PRKAA1: variants seen among roughly 807,000 people sequenced by gnomAD.
PRKAA1 encodes the protein 5'-AMP-activated protein kinase catalytic subunit alpha-1.
In PRKAA1, 23 loss-of-function variants were observed where a neutral mutation model predicts 56.9. That is an observed-to-expected ratio of 0.40 (90% CI 0.29 to 0.57). The LOEUF is 0.57. Among genes scored for constraint, PRKAA1 ranks in the 20% least tolerant of loss-of-function variants. The probability of loss-of-function intolerance (pLI) is 0.39; values close to 1 mark genes in which losing one functional copy is unlikely to be tolerated. For missense variants in PRKAA1, 413 were observed against 679.7 expected (o/e 0.61, Z 4.36); for synonymous variants, 226 against 227.0 (o/e 1.00, Z 0.04).
In PRKAA1 at chr5:40,768,581, TACTC is replaced by T. The variant is rs537018142; in HGVS notation, c.596+831_596+834del. The T allele has an allele frequency of 1.5e-4, 152 of 1,031,112 alleles. No individual in the cohort carries two copies. The African/African-American group carries it at 1.9e-3, about 13-fold the overall frequency. 63.9% of individuals were successfully genotyped at this position (1,031,112 alleles called of 1,614,324 possible). On this transcript the variant is annotated intron_variant, in intron 5 of 8. Coordinates refer to ENST00000397128, the MANE Select transcript of PRKAA1 (RefSeq NM_006251.6). ...AATCTAAAATTAGGTACTCCTGCCT[TACTC>T]ACAGCCATATTTTTACACAAATCTC...
At chr5:40,783,133 T>C (rs917728839) in intron 1 of PRKAA1, among the ~76,000 whole-genome samples, 4 of 152,274 alleles carry the variant, frequency 2.6e-5, no homozygotes, top group African/African-American at 9.6e-5. Context: ...TCTTTTCTTT[T>C]TTAATCTGTA....
At chr5:40,764,729 T>A in intron 7 of PRKAA1, 23 bp downstream of exon 7, 1 of 1,604,696 alleles carries the variant, frequency 6.2e-7, no homozygotes, top group South Asian at 1.1e-5. Context: ...ATGCTAATAA[T>A]CAAAATGTTA....
At chr5:40,797,981 C>A in intron 1 of PRKAA1, 82 bp downstream of exon 1, 5 of 1,556,606 alleles carry the variant, frequency 3.2e-6, no homozygotes, top group Non-Finnish European at 4.4e-6. Flanking sequence ...ACGCAGCGGG[C>A]GGGGGAGGAT....
Position 40,764,899 on chromosome 5 carries a change from A to T in PRKAA1, c.1161T>A (p.His387Gln), listed in dbSNP as rs558686996. The change falls in exon 7 of 9, where the codon CAT becomes CAA. Residue 387 changes from histidine to glutamine, a missense_variant. His to Gln is a conservative substitution (Grantham distance 24). This residue lies in a region of PRKAA1 where 50 missense variants were observed against 87.7 expected (regional missense o/e 0.57). Transcript: ENST00000397128. ...FLVAETPRAR[H>Q]TLDELNPQKS... ...TCTGTGGATTTAATTCATCAAGGGT[A>T]TGGCGTGCCCTTGGTGTTTCAGCAA... is the stretch of plus-strand genomic sequence containing the variant. 6.2e-7 allele frequency: 1 copy of T among 1,614,188 alleles called. No homozygotes were observed. Among genetic ancestry groups the T allele is most frequent in the South Asian group, 1.1e-5 (1 of 91,086 alleles).
chr5:40,766,356 T>C (rs1743433977), intron 6 of PRKAA1, among the ~76,000 whole-genome samples: 1 of 152,114 alleles, frequency 6.6e-6, no homozygotes, highest in African/African-American at 2.4e-5. Context: ...AAATGTGCAG[T>C]CTAGCCATTA....
chr5:40,761,921 G>A lies in PRKAA1; in HGVS notation c.*857C>T, dbSNP rs1743204785. 1 of 152,190 alleles carries A rather than the reference G, an allele frequency of 6.6e-6. No homozygotes were observed. Among genetic ancestry groups the A allele is most frequent in the African/African-American group, 2.4e-5 (1 of 41,446 alleles). The allele number at this position is 152,190 out of a possible 1,614,324, so 9.4% of individuals were successfully genotyped here. A position where few individuals can be genotyped will look rare whatever the true frequency, so the allele number is the denominator to read the frequency against. On this transcript the variant is annotated 3_prime_UTR_variant, in exon 9 of 9. Coordinates refer to ENST00000397128, the MANE Select transcript of PRKAA1 (RefSeq NM_006251.6). ...GTTTTTGGACTTGTAAAGCTAAAAT[G>A]AAATTTAAATTAGGTCTGATATCTG...
intron 8 of PRKAA1, 75 bp from the exon 9 acceptor site, chr5:40,763,097 C>T: frequency 6.6e-7 from 1 of 1,508,514 alleles, no homozygotes. Flanking sequence ...ATTGAATTTG[C>T]TTCTTTAAGT....
chr5:40,772,348 T>C (rs1293838631), intron 3 of PRKAA1, among the ~76,000 whole-genome samples: 2 of 152,156 alleles, frequency 1.3e-5, no homozygotes, highest in African/African-American at 4.8e-5. Context: ...GGAGTGATAC[T>C]GTTTTGAAGA....
At chr5:40,768,503 T>C in intron 5 of PRKAA1, 1 of 943,072 alleles carries the variant, frequency 1.1e-6, no homozygotes, top group Non-Finnish European at 1.3e-6. Flanking sequence ...TAAAAATTTT[T>C]TAAATAATTT....
rs1171372285 is a variant in PRKAA1 at position 40,765,022 on chromosome 5, A to G, written c.1038T>C (p.Asn346=). ...HLIIDNRRIM[N]EAKDFYLATS... ...TCGCCAAATAGAAATCTTTGGCTTCATTCATTATTCTCCTGTTATCTATTA... is the reference window on the plus strand; with the variant it reads ...TCGCCAAATAGAAATCTTTGGCTTCGTTCATTATTCTCCTGTTATCTATTA... Residue 346 remains asparagine (N), a synonymous_variant, in exon 7 of 9, where the codon AAT becomes AAC. Transcript: ENST00000397128. 6.2e-7 allele frequency: 1 copy of G among 1,614,072 alleles called. No individual in the cohort carries two copies. Among genetic ancestry groups the G allele is most frequent in the Non-Finnish European group, 8.5e-7 (1 of 1,180,026 alleles).
At chr5:40,796,758 A>C (rs1744943870) in intron 1 of PRKAA1, among the ~76,000 whole-genome samples, 1 of 152,168 alleles carries the variant, frequency 6.6e-6, no homozygotes, top group Non-Finnish European at 1.5e-5. Flanking sequence ...TCTAACCCTA[A>C]ATAAAATCAG....
intron 1 of PRKAA1, among the ~76,000 whole-genome samples, 187 bp downstream of exon 1, chr5:40,797,876 A>AC (rs1273244023): frequency 1.5e-5 from 2 of 130,436 alleles, no homozygotes; most frequent in Non-Finnish European, 3.4e-5. Flanking sequence ...CCCCACCCCC[A>AC]CCCGGCCTGT....
chr5:40,763,036 A>T lies in PRKAA1; in HGVS notation c.1436-14T>A, dbSNP rs1743264977. 1 of 1,612,834 alleles carries T rather than the reference A, an allele frequency of 6.2e-7. No individual in the cohort carries two copies. The highest frequency in any genetic ancestry group is 1.7e-5 in the Admixed American group (1 of 59,894). On this transcript the variant is annotated splice_polypyrimidine_tract_variant and intron_variant, in intron 8 of 8. Transcript: ENST00000397128. ...CTGTAATTTCATCTGGGTAAAAAGA[A>T]TTTCAATTTATTATAGTCTATGACC... is the stretch of plus-strand genomic sequence containing the variant.
In PRKAA1 at chr5:40,767,709, A is replaced by G. The variant is rs1367364067; in HGVS notation, c.597-19T>C. The G allele has an allele frequency of 1.9e-6, 3 of 1,552,258 alleles. No homozygotes were observed. Among genetic ancestry groups the G allele is most frequent in the Non-Finnish European group, 2.6e-6 (3 of 1,132,960 alleles). Reference sequence around the variant, plus strand: ...ATACAATCTGTAACAGGAAATAACAATTGGATTAAAGAATCATTTTAACCT... The same window carrying G: ...ATACAATCTGTAACAGGAAATAACAGTTGGATTAAAGAATCATTTTAACCT... On this transcript the variant is annotated intron_variant, in intron 5 of 8. Transcript: ENST00000397128.
intron 1 of PRKAA1, 21 bp from the exon 2 acceptor site, chr5:40,777,607 T>G: frequency 6.3e-7 from 1 of 1,580,344 alleles, no homozygotes; most frequent in East Asian, 2.2e-5. Flanking sequence ...AGTAATTTAA[T>G]AAATTAGTAC....
At chr5:40,784,337 C>T (rs1413340984) in intron 1 of PRKAA1, among the ~76,000 whole-genome samples, 1 of 152,102 alleles carries the variant, frequency 6.6e-6, no homozygotes, top group African/African-American at 2.4e-5. Flanking sequence ...TATCTAGCTC[C>T]CATTCCCATA....
chr5:40,786,569 C>T (rs1744494105), intron 1 of PRKAA1, among the ~76,000 whole-genome samples: 1 of 151,410 alleles, frequency 6.6e-6, no homozygotes, highest in Non-Finnish European at 1.5e-5. Flanking sequence ...CAGGCTACAT[C>T]AAGCAGAAGA....
At position 40,769,502 on chromosome 5, in the gene PRKAA1, A is replaced by C; in HGVS notation, c.510T>G (p.Gly170=). 1 of 1,605,242 alleles carries C rather than the reference A, an allele frequency of 6.2e-7. No individual in the cohort carries two copies. Among genetic ancestry groups the C allele is most frequent in the Non-Finnish European group, 8.5e-7 (1 of 1,175,022 alleles). Reference sequence around the variant, plus strand: ...CACCATCTGACATCATGTTTGAAAGACCTGAAAGTGCACAAAATCAGCTAC... The same window carrying C: ...CACCATCTGACATCATGTTTGAAAGCCCTGAAAGTGCACAAAATCAGCTAC... ...AHMNAKIADF[G]LSNMMSDGEF... Residue 170 remains glycine, a splice_region_variant and synonymous_variant, in exon 5 of 9, where the codon GGT becomes GGG. Transcript: ENST00000397128.
At chr5:40,794,072 A>G (rs1317503635) in intron 1 of PRKAA1, among the ~76,000 whole-genome samples, 1 of 151,530 alleles carries the variant, frequency 6.6e-6, no homozygotes, top group Non-Finnish European at 1.5e-5. Context: ...AATGCACTCC[A>G]GCCTGGGTGA....
Sources: gnomAD v4.1 joint callset for allele counts (sites outside exome capture counted in the v4.1 genomes callset) on GRCh38, gnomAD v4.1.1 for gene constraint, gnomAD v4.1.1 regional missense constraint, MANE v1.5 for transcripts, NCBI Gene and HGNC (gene_info 2026-07-23, HGNC 2026-07-21) for gene names.